The following SRRM4 variants were observed in gnomAD, a reference collection of about 807,000 sequenced individuals.
SRRM4 encodes serine/arginine repetitive matrix 4, also known as serine/arginine repetitive matrix protein 4.
SRRM4 carries 33 observed loss-of-function variants against 68.9 expected under a neutral mutation model. That is an observed-to-expected ratio of 0.48 (90% confidence interval 0.36 to 0.64). SRRM4 has a LOEUF of 0.64. Ranked by LOEUF, SRRM4 falls within the 30% of genes least tolerant of loss-of-function variation. The pLI, the probability that SRRM4 is intolerant of heterozygous loss-of-function variation, is 0.00. For synonymous variants in SRRM4, 318 were observed against 318.8 expected, an observed-to-expected ratio of 1.00 and a Z score of 0.03; for missense variants, 817 against 827.1, an observed-to-expected ratio of 0.99 and a Z score of 0.15.
At position 118,981,921 on chromosome 12, in the gene SRRM4, GA is replaced by G; in HGVS notation, c.41del (p.Lys14SerfsTer87). 1 of 1,613,522 alleles carries G rather than the reference GA, an allele frequency of 6.2e-7. No individual in the cohort carries two copies. Among genetic ancestry groups the G allele is most frequent in the Non-Finnish European group, 8.5e-7 (1 of 1,179,742 alleles). On this transcript the variant is annotated frameshift_variant, in exon 1 of 13. Coordinates refer to ENST00000267260, the MANE Select transcript of SRRM4 (RefSeq NM_194286.4). LOFTEE classifies it high-confidence loss of function. The part of the protein sequence containing the change: ...VQQGEKQLFE[K>X]FWRGTFKAVA... ...AGCAAGGCGAGAAGCAGCTTTTTGAGAAGTTCTGGCGAGGAACCTTCAAAGC... is the reference window on the plus strand; with the variant it reads ...AGCAAGGCGAGAAGCAGCTTTTTGAGAGTTCTGGCGAGGAACCTTCAAAGC...
At chr12:119,139,870 CT>C (rs5801317) in intron 8 of SRRM4, among the ~76,000 whole-genome samples, 41,041 of 151,226 alleles carry the variant, frequency 0.27, 5,896 homozygotes, top group East Asian at 0.48. Context: ...TAAGGAGCAC[CT>C]TTTTTTTTCA....
chr12:119,002,126 C>T (rs930590702), intron 1 of SRRM4, among the ~76,000 whole-genome samples: 1 of 151,998 alleles, frequency 6.6e-6, no homozygotes, highest in Admixed American at 6.6e-5. Context: ...TCAATGTGGC[C>T]CTGAGGGGTT....
At chr12:119,007,264 T>C (rs367720719) in intron 1 of SRRM4, among the ~76,000 whole-genome samples, 3 of 152,190 alleles carry the variant, frequency 2.0e-5, no homozygotes, top group African/African-American at 7.2e-5. Flanking sequence ...GGAGAGAATA[T>C]CCTTTTAATA....
At chr12:119,009,262 C>A (rs1346443558) in intron 1 of SRRM4, among the ~76,000 whole-genome samples, 1 of 151,886 alleles carries the variant, frequency 6.6e-6, no homozygotes, top group Non-Finnish European at 1.5e-5. Flanking sequence ...TGGACGAGAT[C>A]GGGAAGAGGG....
chr12:119,037,097 A>T (rs1216097302), intron 1 of SRRM4: 1 of 152,170 alleles, frequency 6.6e-6, no homozygotes, highest in East Asian at 1.9e-4. Flanking sequence ...TGGTGAAAAC[A>T]ATAAATAGCT....
At chr12:119,090,647 C>T (rs898060634) in intron 1 of SRRM4, among the ~76,000 whole-genome samples, 7 of 152,156 alleles carry the variant, frequency 4.6e-5, no homozygotes, top group African/African-American at 1.7e-4. Flanking sequence ...AGGATCTGAC[C>T]AACAGCATCC....
chr12:119,123,492 A>G (rs1408508342), intron 6 of SRRM4, among the ~76,000 whole-genome samples: 2 of 104,602 alleles, frequency 1.9e-5, no homozygotes, highest in African/African-American at 6.6e-5. Flanking sequence ...AGACCTCAAC[A>G]GCGCTAGGAA....
Position 119,082,145 on chromosome 12 carries a change from G to T in SRRM4, c.132-20091G>T, listed in dbSNP as rs141154204. On this transcript the variant is annotated intron_variant, in intron 1 of 12. Coordinates refer to ENST00000267260, the MANE Select transcript of SRRM4 (RefSeq NM_194286.4). ...GTCCCAGGATCAGCCTCATTATTCG[G>T]CAGGAGTTACAGAGAGTGGGCTGAA... is the stretch of plus-strand genomic sequence containing the variant. Among the ~76,000 whole-genome samples, 166 of 152,148 alleles carry T rather than the reference G, an allele frequency of 1.1e-3. 1 individual carries two copies. Among genetic ancestry groups the T allele is most frequent in the African/African-American group, 3.8e-3 (156 of 41,516 alleles).
intron 1 of SRRM4, among the ~76,000 whole-genome samples, chr12:119,044,511 G>A (rs1403951928): frequency 1.1e-5 from 1 of 87,514 alleles, no homozygotes; most frequent in Admixed American, 1.3e-4. Flanking sequence ...CACATGTCCT[G>A]CCTCCCAGAG....
intron 1 of SRRM4, among the ~76,000 whole-genome samples, chr12:118,993,108 T>C (rs1291912495): frequency 3.3e-5 from 5 of 152,192 alleles, no homozygotes; most frequent in Non-Finnish European, 5.9e-5. Flanking sequence ...ATTTTAAAGA[T>C]GAAGAAACTG....
chr12:119,129,228 G>A (rs1954278820), intron 7 of SRRM4, among the ~76,000 whole-genome samples: 1 of 103,192 alleles, frequency 9.7e-6, no homozygotes, highest in Non-Finnish European at 2.2e-5. Flanking sequence ...CTGTGAAACT[G>A]CTTCGAGAGG....
chr12:119,089,280 A>G (rs1209330708), intron 1 of SRRM4, among the ~76,000 whole-genome samples: 1 of 152,186 alleles, frequency 6.6e-6, no homozygotes, highest in East Asian at 1.9e-4. Context: ...GGTAGGAGAT[A>G]ATCATGAAGC....
intron 1 of SRRM4, among the ~76,000 whole-genome samples, chr12:119,094,282 G>A (rs1270817115): frequency 1.3e-5 from 2 of 152,140 alleles, no homozygotes; most frequent in African/African-American, 2.4e-5. Context: ...ACTCCTTGTA[G>A]AATCTACAAC....
At chr12:119,140,971 AT>A (rs909997713) in intron 8 of SRRM4, among the ~76,000 whole-genome samples, 3 of 151,940 alleles carry the variant, frequency 2.0e-5, no homozygotes, top group African/African-American at 4.8e-5. Context: ...GAAGAGAATA[AT>A]TTTTTTTGGC....
chr12:119,089,114 T>C (rs1221193252), intron 1 of SRRM4, among the ~76,000 whole-genome samples: 3 of 152,094 alleles, frequency 2.0e-5, no homozygotes, highest in African/African-American at 4.8e-5. Context: ...AGAGAAGCCA[T>C]GCAGTTTAAA....
intron 1 of SRRM4, among the ~76,000 whole-genome samples, chr12:119,034,377 C>T (rs1278221340): frequency 1.3e-5 from 2 of 152,234 alleles, no homozygotes; most frequent in East Asian, 3.9e-4. Context: ...CTGGGAGGAT[C>T]CACTCTTCCT....
In SRRM4 at chr12:119,161,792, T is replaced by C. The variant is rs2136073883; in HGVS notation, c.*4994T>C. The C allele has an allele frequency of 6.5e-6, 1 of 152,692 alleles. No individual in the cohort carries two copies. Among genetic ancestry groups the C allele is most frequent in the Middle Eastern group, 3.4e-3 (1 of 294 alleles). The allele number at this position is 152,692 out of a possible 1,614,324, so 9.5% of individuals were successfully genotyped here. A position where few individuals can be genotyped will look rare whatever the true frequency, so the allele number is the denominator to read the frequency against. ...GACTCAAATGGAACTAAAACACTGGTTATCTCCAGGAAAACCTCATTTAGA... is the reference window on the plus strand; with the variant it reads ...GACTCAAATGGAACTAAAACACTGGCTATCTCCAGGAAAACCTCATTTAGA... On this transcript the variant is annotated 3_prime_UTR_variant, in exon 13 of 13. Coordinates refer to ENST00000267260, the MANE Select transcript of SRRM4 (RefSeq NM_194286.4).
rs1235868870 is a variant in SRRM4, at chr12:119,125,400, A to G, written c.535A>G (p.Lys179Glu). 2.5e-6 allele frequency: 4 copies of G among 1,612,568 alleles called. No homozygotes were observed. The African/African-American group carries it at 4.0e-5, about 16-fold the overall frequency. Residue 179 changes from lysine to glutamate, a missense_variant, in exon 7 of 13, where the codon AAG (lysine) becomes GAG (glutamate). Transcript: ENST00000267260. The part of the protein sequence containing the change: ...HKKQSRSRPR[K>E]SHRHRHHRCP... Reference sequence around the variant, plus strand: ...CCCAAGATCTCGAAGCCGGCCCCGAAAGTCTCACCGCCACCGCCATCACCG... The same window carrying G: ...CCCAAGATCTCGAAGCCGGCCCCGAGAGTCTCACCGCCACCGCCATCACCG...
chr12:119,117,214 AC>A (rs1212526348), intron 4 of SRRM4, among the ~76,000 whole-genome samples: 2 of 152,066 alleles, frequency 1.3e-5, no homozygotes, highest in African/African-American at 4.8e-5. Flanking sequence ...CCAGAGGAGG[AC>A]TTGATTATAA....
Sources: allele counts gnomAD v4.1 joint callset (sites outside exome capture counted in the v4.1 genomes callset), GRCh38; gene constraint gnomAD v4.1.1; transcripts MANE v1.5; gene names NCBI Gene and HGNC (gene_info 2026-07-23, HGNC 2026-07-21).